The following INPP4B variants were observed in gnomAD, a reference collection of about 807,000 sequenced individuals.
The protein encoded by INPP4B is inositol polyphosphate-4-phosphatase type II B.
Under a neutral mutation model 122.5 loss-of-function variants are expected in INPP4B, and 55 were observed. The observed-to-expected ratio is 0.45, with a 90% CI of 0.36 to 0.56. INPP4B has a LOEUF of 0.56. Ranked by LOEUF, INPP4B falls within the 20% of genes least tolerant of loss-of-function variation. The probability of loss-of-function intolerance (pLI) is 0.00; values close to 1 mark genes in which losing one functional copy is unlikely to be tolerated. For missense variants in INPP4B, 1,000 were observed against 1,097.7 expected, an observed-to-expected ratio of 0.91 and a Z score of 1.26; for synonymous variants, 403 against 388.7, an observed-to-expected ratio of 1.04 and a Z score of -0.43.
At chr4:142,073,138 A>G (rs1197247299) in intron 25 of INPP4B, among the ~76,000 whole-genome samples, 2 of 152,112 alleles carry the variant, frequency 1.3e-5, no homozygotes, top group African/African-American at 4.8e-5. Context: ...TAAAATACCA[A>G]TTTTGCAAAT....
intron 2 of INPP4B, among the ~76,000 whole-genome samples, chr4:142,483,504 T>C (rs1051259428): frequency 6.6e-6 from 1 of 152,076 alleles, no homozygotes; most frequent in African/African-American, 2.4e-5. Context: ...TGCATCATAG[T>C]TTCTCTAGGT....
At chr4:142,106,683 A>G (rs889961232) in intron 23 of INPP4B, among the ~76,000 whole-genome samples, 1 of 152,126 alleles carries the variant, frequency 6.6e-6, no homozygotes, top group Non-Finnish European at 1.5e-5. Flanking sequence ...ATGGCATATT[A>G]TTAGTTCTCA....
chr4:142,561,031 G>A (rs1002002560), intron 2 of INPP4B, among the ~76,000 whole-genome samples: 2 of 152,150 alleles, frequency 1.3e-5, no homozygotes, highest in African/African-American at 4.8e-5. Context: ...GGGAATTACT[G>A]CCAAATCCAT....
At chr4:142,806,775 GAAAGAAAGAAGGAAAGAAAGA>G (rs1778829371) in intron 1 of INPP4B, among the ~76,000 whole-genome samples, 2 of 63,646 alleles carry the variant, frequency 3.1e-5, no homozygotes, top group Non-Finnish European at 7.2e-5. Context: ...AAGAAAGAAA[GAAAGAAAGAAGGAAAGAAAGA>G]AAGAAAGAAA....
chr4:142,546,410 C>T (rs1194590115), intron 2 of INPP4B, among the ~76,000 whole-genome samples: 1 of 151,986 alleles, frequency 6.6e-6, no homozygotes, highest in Non-Finnish European at 1.5e-5. Context: ...ATGCATGTGC[C>T]TTATCTAGAA....
chr4:142,492,630 C>T (rs1338601988), intron 2 of INPP4B, among the ~76,000 whole-genome samples: 5 of 152,096 alleles, frequency 3.3e-5, no homozygotes, highest in Non-Finnish European at 4.4e-5. Flanking sequence ...TGGCATTTTG[C>T]CCCTGCCCTA....
intron 7 of INPP4B, among the ~76,000 whole-genome samples, chr4:142,398,389 AAAAAAAAAAAAAATATATATAT>A: frequency 4.2e-5 from 2 of 47,254 alleles, no homozygotes; most frequent in South Asian, 8.7e-4. Context: ...AAAAAAAAAA[AAAAAAAAAAAAAATATATATAT>A]ATATATATAT....
intron 1 of INPP4B, among the ~76,000 whole-genome samples, chr4:142,842,730 A>C (rs1440313693): frequency 7.6e-6 from 1 of 131,938 alleles, no homozygotes; most frequent in Admixed American, 8.5e-5. Context: ...AATATATTAT[A>C]ATATTAATAT....
chr4:142,764,470 G>A (rs543016737), intron 1 of INPP4B, among the ~76,000 whole-genome samples: 61 of 152,044 alleles, frequency 4.0e-4, no homozygotes, highest in African/African-American at 1.4e-3. Context: ...TGATGTTATA[G>A]ATACTGTCAA....
intron 21 of INPP4B, among the ~76,000 whole-genome samples, chr4:142,113,149 G>A (rs1233568977): frequency 6.6e-6 from 1 of 151,958 alleles, no homozygotes; most frequent in African/African-American, 2.4e-5. Context: ...ATGCGCTGAT[G>A]GAAAGGTAAT....
chr4:142,649,412 A>G (rs1752466161), intron 2 of INPP4B, among the ~76,000 whole-genome samples: 3 of 152,226 alleles, frequency 2.0e-5, no homozygotes, highest in Non-Finnish European at 4.4e-5. Context: ...GGTCGGTAAT[A>G]ACAAACTTCT....
chr4:142,225,542 A>C (rs899246855), intron 12 of INPP4B, among the ~76,000 whole-genome samples: 1 of 148,800 alleles, frequency 6.7e-6, no homozygotes, highest in African/African-American at 2.4e-5. Flanking sequence ...GTATAAGTAT[A>C]TATATAAATA....
chr4:142,779,313 G>T (rs1024266531), intron 1 of INPP4B, among the ~76,000 whole-genome samples: 1 of 152,014 alleles, frequency 6.6e-6, no homozygotes, highest in Non-Finnish European at 1.5e-5. Flanking sequence ...AACAACATTG[G>T]TAAGGATGTT....
chr4:142,447,206 G>A (rs1312540080), intron 3 of INPP4B, among the ~76,000 whole-genome samples: 4 of 152,114 alleles, frequency 2.6e-5, no homozygotes, highest in Admixed American at 6.5e-5. Flanking sequence ...CTGGCAGGGC[G>A]TGGAGACCAC....
chr4:142,526,787 T>C (rs533492899), intron 2 of INPP4B, among the ~76,000 whole-genome samples: 4 of 152,206 alleles, frequency 2.6e-5, no homozygotes, highest in Middle Eastern at 6.8e-3. Flanking sequence ...CATGCATGCA[T>C]ACATGTGAAA....
intron 25 of INPP4B, among the ~76,000 whole-genome samples, chr4:142,071,128 C>T (rs569314130): frequency 3.8e-4 from 58 of 152,138 alleles, no homozygotes; most frequent in Admixed American, 1.0e-3. Flanking sequence ...GGTACTGGTC[C>T]GAAACAGAGA....
chr4:142,353,704 A>G (rs1782682206), intron 7 of INPP4B, among the ~76,000 whole-genome samples: 1 of 152,024 alleles, frequency 6.6e-6, no homozygotes, highest in Non-Finnish European at 1.5e-5. Context: ...GTACAAAGGA[A>G]TATTTGGCTT....
chr4:142,193,362 C>G (rs1836809969), intron 14 of INPP4B, among the ~76,000 whole-genome samples, 167 bp from the exon 15 acceptor site: 1 of 152,064 alleles, frequency 6.6e-6, no homozygotes. Context: ...AGCTAATAAT[C>G]AATCTTTCTA....
At chr4:142,702,614 C>T (rs1761946735) in intron 2 of INPP4B, among the ~76,000 whole-genome samples, 2 of 151,460 alleles carry the variant, frequency 1.3e-5, no homozygotes, top group South Asian at 4.2e-4. Flanking sequence ...CCTGTAATCC[C>T]AGCTACTCGG....
Sources: gnomAD v4.1 joint callset for allele counts (sites outside exome capture counted in the v4.1 genomes callset) on GRCh38, gnomAD v4.1.1 for gene constraint, MANE v1.5 for transcripts, NCBI Gene and HGNC (gene_info 2026-07-23, HGNC 2026-07-21) for gene names.